The following GMDS variants were observed in gnomAD, a reference collection of about 807,000 sequenced individuals.
The protein encoded by GMDS is GDP-mannose 4,6-dehydratase.
A neutral mutation model predicts 49.9 loss-of-function variants in GMDS; 20 were observed. The observed-to-expected ratio is 0.40, with a 90% CI of 0.28 to 0.58. GMDS has a LOEUF of 0.58. Among genes scored for constraint, GMDS ranks in the 20% least tolerant of loss-of-function variants. The probability of loss-of-function intolerance (pLI) is 0.42; values close to 1 mark genes in which losing one functional copy is unlikely to be tolerated. For synonymous variants in GMDS, 177 were observed against 178.6 expected, an observed-to-expected ratio of 0.99 and a Z score of 0.07; for missense variants, 362 against 481.4, an observed-to-expected ratio of 0.75 and a Z score of 2.32.
intron 7 of GMDS, among the ~76,000 whole-genome samples, chr6:1,822,975 T>C (rs1770958454): frequency 6.6e-6 from 1 of 152,136 alleles, no homozygotes; most frequent in Non-Finnish European, 1.5e-5. Context: ...CTAGTTACAG[T>C]ATGGTGAAAA....
At chr6:2,066,073 G>A (rs987400644) in intron 4 of GMDS, among the ~76,000 whole-genome samples, 16 of 152,214 alleles carry the variant, frequency 1.1e-4, no homozygotes, top group East Asian at 9.7e-4. Flanking sequence ...CGGATCTCTC[G>A]GCAGAAACTC....
At chr6:2,185,555 C>A (rs752045212) in intron 1 of GMDS, among the ~76,000 whole-genome samples, 2 of 152,160 alleles carry the variant, frequency 1.3e-5, no homozygotes, top group African/African-American at 2.4e-5. Context: ...ACAGTTACAG[C>A]CATTTTACTC....
At chr6:2,103,972 T>C (rs1165220452) in intron 4 of GMDS, among the ~76,000 whole-genome samples, 1 of 152,212 alleles carries the variant, frequency 6.6e-6, no homozygotes, top group Non-Finnish European at 1.5e-5. Context: ...TTTTCTAAAA[T>C]GCTGACATTT....
At chr6:2,023,411 A>G (rs762181691) in intron 4 of GMDS, among the ~76,000 whole-genome samples, 20 of 152,260 alleles carry the variant, frequency 1.3e-4, no homozygotes, top group Non-Finnish European at 2.6e-4. Context: ...AATTCAAAAC[A>G]TAAGAAAACT....
intron 7 of GMDS, among the ~76,000 whole-genome samples, chr6:1,784,222 T>C (rs1367808813): frequency 1.3e-5 from 2 of 151,538 alleles, no homozygotes; most frequent in Non-Finnish European, 2.9e-5. Context: ...TGAAACCCCG[T>C]CTCTACTGAA....
In GMDS at chr6:1,844,269, C is replaced by A. The variant is rs1010838695; in HGVS notation, c.771+85834G>T. Among the ~76,000 whole-genome samples, 7 of 152,034 alleles carry A rather than the reference C, an allele frequency of 4.6e-5. No homozygotes were observed. In the East Asian group the frequency reaches 1.4e-3, roughly 29 times the overall value. Reference sequence around the variant, plus strand: ...GGTATATTACCTAAATAAAATGAAGCTTAAAAAAATCTAAAGTAGAATGAA... The same window carrying A: ...GGTATATTACCTAAATAAAATGAAGATTAAAAAAATCTAAAGTAGAATGAA... On this transcript the variant is annotated intron_variant, in intron 7 of 10. Coordinates refer to ENST00000380815, the MANE Select transcript of GMDS (RefSeq NM_001500.4).
At chr6:1,799,632 A>C (rs964032635) in intron 7 of GMDS, among the ~76,000 whole-genome samples, 1 of 152,216 alleles carries the variant, frequency 6.6e-6, no homozygotes, top group African/African-American at 2.4e-5. Context: ...AAAGCAAGGA[A>C]ATCAAGAGAA....
At chr6:2,138,596 G>C (rs1363545455) in intron 1 of GMDS, among the ~76,000 whole-genome samples, 3 of 152,176 alleles carry the variant, frequency 2.0e-5, no homozygotes, top group Admixed American at 2.0e-4. Flanking sequence ...TTTGAGACAG[G>C]GGGACAGATC....
At chr6:2,228,891 T>C (rs1391734313) in intron 1 of GMDS, among the ~76,000 whole-genome samples, 1 of 151,970 alleles carries the variant, frequency 6.6e-6, no homozygotes, top group Non-Finnish European at 1.5e-5. Flanking sequence ...CAGTCGACAA[T>C]GGGGCAATGG....
chr6:1,669,959 A>G (rs370531012), intron 9 of GMDS, among the ~76,000 whole-genome samples: 11 of 138,352 alleles, frequency 8.0e-5, no homozygotes, highest in Non-Finnish European at 1.4e-4. Flanking sequence ...CGCCGGTCCC[A>G]TGATGGCTGG....
chr6:2,177,773 A>G (rs1241878876), intron 1 of GMDS, among the ~76,000 whole-genome samples: 3 of 152,202 alleles, frequency 2.0e-5, no homozygotes, highest in African/African-American at 7.2e-5. Flanking sequence ...ATTCCCCTTC[A>G]GAACTGGAAC....
intron 1 of GMDS, among the ~76,000 whole-genome samples, chr6:2,200,654 C>G (rs1242069580): frequency 2.1e-4 from 22 of 106,810 alleles, no homozygotes; most frequent in East Asian, 8.1e-4. Context: ...ACACCACATG[C>G]ACATCCGAGA....
chr6:1,624,776 C>T, intron 9 of GMDS: 1 of 507,724 alleles, frequency 2.0e-6, no homozygotes. Flanking sequence ...CGATCCACCC[C>T]CAGCTACCTC....
chr6:1,630,668 T>G (rs1762972744), intron 9 of GMDS, among the ~76,000 whole-genome samples: 2 of 152,262 alleles, frequency 1.3e-5, no homozygotes, highest in African/African-American at 4.8e-5. Context: ...TTTGGGGATG[T>G]CATCTTGCAT....
chr6:1,767,346 T>C (rs72841916), intron 7 of GMDS, among the ~76,000 whole-genome samples: 7,144 of 152,282 alleles, frequency 0.047, 202 homozygotes, highest in Middle Eastern at 0.071. Context: ...AACTTATTAT[T>C]TGGGAAATAA....
intron 7 of GMDS, among the ~76,000 whole-genome samples, chr6:1,851,258 G>T (rs556711634): frequency 6.6e-6 from 1 of 152,194 alleles, no homozygotes; most frequent in Non-Finnish European, 1.5e-5. Context: ...GGGAAAGGCC[G>T]AGTGATTAGC....
chr6:1,811,555 C>CTTT (rs67339222), intron 7 of GMDS, among the ~76,000 whole-genome samples: 31 of 119,058 alleles, frequency 2.6e-4, no homozygotes, highest in African/African-American at 6.0e-4. Flanking sequence ...ACTAGTCAAG[C>CTTT]TTTTTTTTTT....
intron 7 of GMDS, among the ~76,000 whole-genome samples, chr6:1,882,670 A>C (rs972794492): frequency 1.8e-4 from 27 of 152,342 alleles, no homozygotes; most frequent in African/African-American, 6.5e-4. Flanking sequence ...TCAGTGAGCA[A>C]AAGGATCCAA....
intron 4 of GMDS, among the ~76,000 whole-genome samples, chr6:2,066,155 T>C (rs1771574252): frequency 6.6e-6 from 1 of 151,700 alleles, no homozygotes; most frequent in Non-Finnish European, 1.5e-5. Context: ...CAGAATTTCA[T>C]ATCCAGCCAA....
Sources: allele counts gnomAD v4.1 joint callset (sites outside exome capture counted in the v4.1 genomes callset), GRCh38; gene constraint gnomAD v4.1.1; transcripts MANE v1.5; gene names NCBI Gene and HGNC (gene_info 2026-07-23, HGNC 2026-07-21).